The following XPNPEP3 variants were observed in gnomAD, a reference collection of about 807,000 sequenced individuals.
XPNPEP3 encodes X-prolyl aminopeptidase 3.
In XPNPEP3, 41 loss-of-function variants were observed where a neutral mutation model predicts 60.0. The ratio of observed to expected loss-of-function variants is 0.68; its 90% confidence interval spans 0.53 to 0.89. The LOEUF (loss-of-function observed/expected upper bound fraction) is 0.89, where lower values mean the gene tolerates loss of function less well. Among genes scored for constraint, XPNPEP3 ranks in the 40% least tolerant of loss-of-function variants. The pLI, the probability that XPNPEP3 is intolerant of heterozygous loss-of-function variation, is 0.00. For synonymous variants in XPNPEP3, 212 were observed against 223.2 expected (o/e 0.95, Z 0.45); for missense variants, 598 against 638.9 (o/e 0.94, Z 0.69).
intron 4 of XPNPEP3, among the ~76,000 whole-genome samples, chr22:40,889,216 G>A (rs2096860379): frequency 6.6e-6 from 1 of 151,694 alleles, no homozygotes; most frequent in Non-Finnish European, 1.5e-5. Context: ...GTAGAGATGG[G>A]GTGTCACTAT....
chr22:40,885,711 A>C (rs1466986632), intron 3 of XPNPEP3, among the ~76,000 whole-genome samples: 2 of 152,226 alleles, frequency 1.3e-5, no homozygotes, highest in Admixed American at 6.5e-5. Context: ...AAGGCCGGGC[A>C]TGGTGATTCA....
intron 1 of XPNPEP3, 75 bp from the exon 2 acceptor site, chr22:40,868,924 A>C: frequency 8.8e-7 from 1 of 1,142,496 alleles, no homozygotes; most frequent in Non-Finnish European, 1.3e-6. Flanking sequence ...CTAAACTGCT[A>C]GAGATAAGTG....
chr22:40,915,596 A>T (rs1257604163), intron 7 of XPNPEP3, among the ~76,000 whole-genome samples: 5 of 152,014 alleles, frequency 3.3e-5, no homozygotes, highest in African/African-American at 1.2e-4. Flanking sequence ...AATGGTGATA[A>T]GGGCTTTTTG....
chr22:40,886,230 C>G lies in XPNPEP3; in HGVS notation c.590-83C>G. ...CGTTACAGGTTTTATAGTTTTGACT[C>G]TTGTTCAAGTCGTTATGACAGTTGA... On this transcript the variant is annotated intron_variant, in intron 3 of 9. Transcript: ENST00000357137. 2.8e-6 allele frequency: 4 copies of G among 1,415,856 alleles called. No individual in the cohort carries two copies. In the South Asian group the frequency reaches 3.5e-5, roughly 12 times the overall value. The allele number at this position is 1,415,856 out of a possible 1,614,324, so 87.7% of individuals were successfully genotyped here.
chr22:40,907,709 G>T, intron 5 of XPNPEP3, 60 bp downstream of exon 5: 1 of 1,518,240 alleles, frequency 6.6e-7, no homozygotes. Context: ...AATTTGATTT[G>T]CAGAAATGGC....
At chr22:40,879,387 G>A (rs2058039071) in intron 2 of XPNPEP3, among the ~76,000 whole-genome samples, 1 of 152,158 alleles carries the variant, frequency 6.6e-6, no homozygotes, top group South Asian at 2.1e-4. Context: ...ATTTGCTGGT[G>A]AGATAAACTA....
intron 2 of XPNPEP3, among the ~76,000 whole-genome samples, chr22:40,869,897 T>C (rs1197014138): frequency 6.6e-6 from 1 of 152,224 alleles, no homozygotes; most frequent in Non-Finnish European, 1.5e-5. Flanking sequence ...CTTTCTGCCA[T>C]AAGAAATTAA....
intron 5 of XPNPEP3, among the ~76,000 whole-genome samples, chr22:40,908,582 G>A (rs1259160209): frequency 6.6e-6 from 1 of 152,152 alleles, no homozygotes; most frequent in Non-Finnish European, 1.5e-5. Context: ...GCTCCATCCT[G>A]TATCCTGGAA....
At chr22:40,893,039 T>C (rs8137892) in intron 4 of XPNPEP3, among the ~76,000 whole-genome samples, 6,838 of 150,394 alleles carry the variant, frequency 0.045, 488 homozygotes, top group African/African-American at 0.15. Context: ...TTATTATCCA[T>C]TGATTTTCAA....
At chr22:40,869,162 A>G (rs1244362550) in intron 2 of XPNPEP3, 47 bp downstream of exon 2, 2 of 1,500,886 alleles carry the variant, frequency 1.3e-6, no homozygotes, top group African/African-American at 2.8e-5. Context: ...TTCTGTCTAG[A>G]GCAATGCTAT....
intron 3 of XPNPEP3, 74 bp downstream of exon 3, chr22:40,882,251 C>G: frequency 6.5e-7 from 1 of 1,536,856 alleles, no homozygotes; most frequent in Non-Finnish European, 9.0e-7. Context: ...TTAGACAAGT[C>G]CTTAATTTTG....
chr22:40,915,978 G>A (rs1160392893), intron 7 of XPNPEP3, among the ~76,000 whole-genome samples: 1 of 152,122 alleles, frequency 6.6e-6, no homozygotes, highest in African/African-American at 2.4e-5. Flanking sequence ...ATTGTGACCT[G>A]TAATCAAGAA....
In XPNPEP3 at chr22:40,907,290, G is replaced by A. The variant is rs192315524; in HGVS notation, c.793-297G>A. 735 of 419,014 alleles carry A rather than the reference G, an allele frequency of 1.8e-3. 3 individuals carry two copies. Among genetic ancestry groups the A allele is most frequent in the African/African-American group, 0.012 (603 of 49,126 alleles). 26.0% of individuals were successfully genotyped at this position (419,014 alleles called of 1,614,324 possible). A position where few individuals can be genotyped will look rare whatever the true frequency, so the allele number is the denominator to read the frequency against. ...CAAAAAATTAGCCGGGTGTGGTGGCGGGCGCCTGTAGTCCCAGCTACTCGA... is the reference window on the plus strand; with the variant it reads ...CAAAAAATTAGCCGGGTGTGGTGGCAGGCGCCTGTAGTCCCAGCTACTCGA... On this transcript the variant is annotated intron_variant, in intron 4 of 9. Coordinates refer to ENST00000357137, the MANE Select transcript of XPNPEP3 (RefSeq NM_022098.4).
chr22:40,877,610 A>G (rs2058032423), intron 2 of XPNPEP3, among the ~76,000 whole-genome samples: 1 of 152,256 alleles, frequency 6.6e-6, no homozygotes, highest in South Asian at 2.1e-4. Context: ...TGCAGAGTCC[A>G]GCTTCCAATA....
At chr22:40,903,861 A>ATC (rs1391879723) in intron 4 of XPNPEP3, among the ~76,000 whole-genome samples, 2 of 110,862 alleles carry the variant, frequency 1.8e-5, no homozygotes, top group Non-Finnish European at 3.6e-5. Context: ...CCCTCCCCCC[A>ATC]TCTCTCTCTC....
chr22:40,881,676 A>G, intron 2 of XPNPEP3, 94 bp from the exon 3 acceptor site: 2 of 1,430,788 alleles, frequency 1.4e-6, no homozygotes, highest in Non-Finnish European at 2.0e-6. Flanking sequence ...TAAATTGAAC[A>G]ATTGGACTTG....
intron 4 of XPNPEP3, among the ~76,000 whole-genome samples, chr22:40,892,124 G>A (rs567235602): frequency 6.6e-6 from 1 of 151,966 alleles, no homozygotes; most frequent in African/African-American, 2.4e-5. Flanking sequence ...TGCCACTTTT[G>A]TTCTTATTCC....
At chr22:40,857,376 G>A in intron 1 of XPNPEP3, 131 bp downstream of exon 1, 4 of 1,033,370 alleles carry the variant, frequency 3.9e-6, no homozygotes, top group Non-Finnish European at 5.9e-6. Flanking sequence ...TGTGCTCCGC[G>A]GATTTCTTCT....
At chr22:40,885,067 A>G (rs967637955) in intron 3 of XPNPEP3, among the ~76,000 whole-genome samples, 1 of 152,020 alleles carries the variant, frequency 6.6e-6, no homozygotes, top group Non-Finnish European at 1.5e-5. Context: ...ATTTCCATCT[A>G]TCGTAAGTAG....
Sources: gnomAD v4.1 joint callset for allele counts (sites outside exome capture counted in the v4.1 genomes callset) on GRCh38, gnomAD v4.1.1 for gene constraint, MANE v1.5 for transcripts, NCBI Gene and HGNC (gene_info 2026-07-23, HGNC 2026-07-21) for gene names.